SRGAP3: variants seen among roughly 807,000 people sequenced by gnomAD.
The protein encoded by SRGAP3 is SLIT-ROBO Rho GTPase-activating protein 3.
In SRGAP3, 39 loss-of-function variants were observed where a neutral mutation model predicts 121.1. The ratio of observed to expected loss-of-function variants is 0.32; its 90% CI spans 0.25 to 0.42. SRGAP3 has a LOEUF of 0.42. Among genes scored for constraint, SRGAP3 ranks in the 10% least tolerant of loss-of-function variants. SRGAP3 has a pLI of 1.00. For missense variants in SRGAP3, 1,213 were observed against 1,470.6 expected, an observed-to-expected ratio of 0.82 and a Z score of 2.86; for synonymous variants, 601 against 570.0, an observed-to-expected ratio of 1.05 and a Z score of -0.77.
intron 1 of SRGAP3, among the ~76,000 whole-genome samples, chr3:9,231,007 CT>C (rs1953190410): frequency 1.3e-5 from 2 of 152,206 alleles, no homozygotes; most frequent in Non-Finnish European, 2.9e-5. Flanking sequence ...AATCCTCCCC[CT>C]GCCCATTCAG....
chr3:9,133,416 G>A (rs1218807809), intron 1 of SRGAP3, among the ~76,000 whole-genome samples: 1 of 152,114 alleles, frequency 6.6e-6, no homozygotes, highest in Non-Finnish European at 1.5e-5. Flanking sequence ...TCTGGGAGGT[G>A]GAGGTTGCAG....
In SRGAP3 at chr3:9,339,659, CA is replaced by C. The variant is rs1955749316; in HGVS notation, n.215-9064del. Among the ~76,000 whole-genome samples the C allele has an allele frequency of 2.6e-5, 4 of 152,310 alleles. No homozygotes were observed. In the South Asian group the frequency reaches 8.3e-4, roughly 32 times the overall value. On this transcript the variant is annotated intron_variant and non_coding_transcript_variant, in intron 1 of 3. Transcript: ENST00000490889. The stretch of plus-strand genomic sequence containing the variant: ...TGTTCTCCCAGTCTTTAAAGAGAAG[CA>C]GGAAATATCCCTATATTTAAATGTT...
At chr3:9,178,651 C>T (rs1343032293) in intron 1 of SRGAP3, among the ~76,000 whole-genome samples, 2 of 152,124 alleles carry the variant, frequency 1.3e-5, no homozygotes, top group Non-Finnish European at 2.9e-5. Flanking sequence ...GGCCTGTAGA[C>T]TCCCAGGCCA....
At chr3:9,350,499 A>G (rs1415113855) in intron 1 of SRGAP3, among the ~76,000 whole-genome samples, 1 of 152,232 alleles carries the variant, frequency 6.6e-6, no homozygotes, top group Non-Finnish European at 1.5e-5. Context: ...GTCCCTGTCC[A>G]TGCCTCAGAC....
chr3:9,150,260 G>A (rs1950170930), intron 1 of SRGAP3, among the ~76,000 whole-genome samples: 1 of 151,836 alleles, frequency 6.6e-6, no homozygotes, highest in Non-Finnish European at 1.5e-5. Flanking sequence ...AGGAGGGTCA[G>A]GGAGAATGTC....
intron 3 of SRGAP3, among the ~76,000 whole-genome samples, chr3:9,298,515 A>G (rs1324973374): frequency 1.3e-5 from 2 of 151,790 alleles, no homozygotes; most frequent in Non-Finnish European, 2.9e-5. Context: ...AAACAATTCC[A>G]CCCCTCCCTG....
chr3:9,016,770 G>T (rs2126880), intron 14 of SRGAP3, among the ~76,000 whole-genome samples: 3,247 of 152,222 alleles, frequency 0.021, 117 homozygotes, highest in African/African-American at 0.072. Flanking sequence ...GTTGCAAAAC[G>T]GTGACTTTCT....
At position 9,307,926 on chromosome 3, in the gene SRGAP3, G is replaced by A. The variant is rs142754504; in HGVS notation, n.442+18084C>T. On this transcript the variant is annotated intron_variant and non_coding_transcript_variant, in intron 3 of 3. Transcript: ENST00000490889. ...TCCCAGCACTTTGGGAGGCCAAAGC[G>A]GGCGGATCACTTAAGGTCAGGAGTT... Among the ~76,000 whole-genome samples, 564 of 152,286 alleles carry A rather than the reference G, an allele frequency of 3.7e-3. 2 individuals are homozygous for A. The Middle Eastern group carries it at 0.041, about 11-fold the overall frequency.
rs1322681308 is a variant in SRGAP3 at position 8,981,728 on chromosome 3, T to G, written c.*3791A>C. On this transcript the variant is annotated 3_prime_UTR_variant, in exon 22 of 22. Transcript: ENST00000383836. Reference sequence around the variant, plus strand: ...ATGTTTATAAGGCAGATCTCTGAACTGCTGGTTCCAGCCGATAGCCAAAAT... The same window carrying G: ...ATGTTTATAAGGCAGATCTCTGAACGGCTGGTTCCAGCCGATAGCCAAAAT... 7 of 230,882 alleles carry G rather than the reference T, an allele frequency of 3.0e-5. No individual in the cohort carries two copies. The East Asian group carries it at 4.3e-4, about 14-fold the overall frequency. The allele number at this position is 230,882 out of a possible 1,614,324, so 14.3% of individuals were successfully genotyped here.
intron 2 of SRGAP3, among the ~76,000 whole-genome samples, chr3:9,120,613 C>G (rs944849644): frequency 6.6e-6 from 1 of 152,168 alleles, no homozygotes; most frequent in Non-Finnish European, 1.5e-5. Context: ...ATTGGGTCCT[C>G]GTTAAAGTAA....
intron 10 of SRGAP3, among the ~76,000 whole-genome samples, chr3:9,045,141 T>C (rs771985788): frequency 6.7e-6 from 1 of 149,380 alleles, no homozygotes; most frequent in Non-Finnish European, 1.5e-5. Context: ...TATACTATCT[T>C]CCCAACTTTT....
chr3:9,102,852 C>G (rs1421607463), intron 3 of SRGAP3, among the ~76,000 whole-genome samples: 1 of 152,144 alleles, frequency 6.6e-6, no homozygotes, highest in Non-Finnish European at 1.5e-5. Flanking sequence ...GAAAAAAGAC[C>G]CTTCATTTCC....
intron 1 of SRGAP3, among the ~76,000 whole-genome samples, chr3:9,226,660 C>T (rs900282223): frequency 6.6e-6 from 1 of 152,168 alleles, no homozygotes; most frequent in Admixed American, 6.5e-5. Flanking sequence ...CACACCTCTC[C>T]CCAGTCTACA....
intron 3 of SRGAP3, among the ~76,000 whole-genome samples, chr3:9,092,458 G>C (rs1227872430): frequency 2.0e-5 from 3 of 152,070 alleles, no homozygotes; most frequent in African/African-American, 7.2e-5. Context: ...TGCTTTATGA[G>C]ACAATACCTC....
intron 2 of SRGAP3, among the ~76,000 whole-genome samples, chr3:9,120,216 G>A (rs2124965474): frequency 6.6e-6 from 1 of 152,344 alleles, no homozygotes; most frequent in Non-Finnish European, 1.5e-5. Flanking sequence ...AATATTGGTG[G>A]AATAAGCAAA....
chr3:9,320,861 T>C (rs766371468), intron 3 of SRGAP3, among the ~76,000 whole-genome samples: 23 of 151,964 alleles, frequency 1.5e-4, no homozygotes, highest in Non-Finnish European at 3.2e-4. Context: ...TAATGCACTA[T>C]ACATAAAAAT....
At chr3:9,294,026 T>C (rs1342720045) in intron 3 of SRGAP3, among the ~76,000 whole-genome samples, 1 of 152,190 alleles carries the variant, frequency 6.6e-6, no homozygotes, top group South Asian at 2.1e-4. Context: ...TAAATACACA[T>C]GCACACATAC....
intron 4 of SRGAP3, among the ~76,000 whole-genome samples, chr3:9,070,661 GGAA>G (rs1946662948): frequency 6.6e-6 from 1 of 152,166 alleles, no homozygotes; most frequent in Non-Finnish European, 1.5e-5. Context: ...ATGGGAGAAA[GGAA>G]GAGAAGAAGG....
intron 1 of SRGAP3, among the ~76,000 whole-genome samples, chr3:9,128,240 G>C (rs536182656): frequency 6.6e-6 from 1 of 152,146 alleles, no homozygotes; most frequent in Non-Finnish European, 1.5e-5. Flanking sequence ...ATGCTTTAAT[G>C]ATTTATCAAA....
Sources: allele counts gnomAD v4.1 joint callset (sites outside exome capture counted in the v4.1 genomes callset), GRCh38; gene constraint gnomAD v4.1.1; transcripts MANE v1.5; gene names NCBI Gene and HGNC (gene_info 2026-07-23, HGNC 2026-07-21).